TFEC: variants seen among roughly 807,000 people sequenced by gnomAD.
The protein encoded by TFEC is class E basic helix-loop-helix protein 34.
In TFEC, 31 loss-of-function variants were observed where a neutral mutation model predicts 41.6. That is an observed-to-expected ratio of 0.74 (90% CI 0.56 to 1.01). TFEC has a LOEUF of 1.01. Ranked by LOEUF, TFEC falls within the 50% of genes least tolerant of loss-of-function variation. The pLI, the probability that TFEC is intolerant of heterozygous loss-of-function variation, is 0.00. For synonymous variants in TFEC, 143 were observed against 140.6 expected (o/e 1.02, Z -0.12); for missense variants, 402 against 404.1 (o/e 0.99, Z 0.04).
chr7:116,069,009 G>T (rs1016428604), intron 3 of TFEC, among the ~76,000 whole-genome samples: 7 of 151,640 alleles, frequency 4.6e-5, no homozygotes, highest in African/African-American at 2.4e-5. Flanking sequence ...GATTCTTTAA[G>T]ATTTGTCAAA....
At chr7:116,050,666 T>C (rs1306211439) in intron 3 of TFEC, among the ~76,000 whole-genome samples, 1 of 150,048 alleles carries the variant, frequency 6.7e-6, no homozygotes, top group African/African-American at 2.5e-5. Context: ...GGAGAGGATG[T>C]AGAGAAATAG....
intron 1 of TFEC, among the ~76,000 whole-genome samples, chr7:116,020,080 G>A (rs533020459): frequency 2.0e-5 from 3 of 152,274 alleles, no homozygotes; most frequent in Admixed American, 1.3e-4. Context: ...CCAGTGAGGT[G>A]AGCCACCTTA....
intron 1 of TFEC, among the ~76,000 whole-genome samples, chr7:116,016,147 G>A (rs1300515304): frequency 6.6e-6 from 1 of 152,150 alleles, no homozygotes; most frequent in African/African-American, 2.4e-5. Context: ...GAAAAAAGTG[G>A]TTAACAAAAT....
At chr7:116,136,680 T>G (rs1204148620) in intron 1 of TFEC, among the ~76,000 whole-genome samples, 1 of 151,902 alleles carries the variant, frequency 6.6e-6, no homozygotes, top group African/African-American at 2.4e-5. Flanking sequence ...AATCAGTTGA[T>G]TCTTGAATAC....
chr7:116,075,821 T>A (rs909709980), intron 3 of TFEC, among the ~76,000 whole-genome samples: 4 of 152,238 alleles, frequency 2.6e-5, no homozygotes, highest in African/African-American at 9.6e-5. Flanking sequence ...AAGGTCATAA[T>A]CTCTTGGGAG....
At chr7:116,137,229 T>C (rs888417273) in intron 1 of TFEC, among the ~76,000 whole-genome samples, 4 of 152,142 alleles carry the variant, frequency 2.6e-5, no homozygotes, top group African/African-American at 9.6e-5. Context: ...TTTTGTCTTT[T>C]AAAATAATTT....
At chr7:116,062,524 C>T (rs1796587703) in intron 3 of TFEC, among the ~76,000 whole-genome samples, 1 of 132,512 alleles carries the variant, frequency 7.5e-6, no homozygotes, top group Admixed American at 8.1e-5. Context: ...GCTGCAAATG[C>T]AATTATTTCA....
intron 3 of TFEC, among the ~76,000 whole-genome samples, chr7:116,104,990 T>C (rs1218085291): frequency 1.3e-5 from 2 of 152,190 alleles, no homozygotes; most frequent in East Asian, 3.9e-4. Context: ...CCATAAGTTT[T>C]ACCTCTGTGT....
rs776801215 is a variant in TFEC at position 115,940,669 on chromosome 7, AAT to A, written c.924_925del (p.Leu309GlyfsTer2). On this transcript the variant is annotated frameshift_variant, in exon 8 of 8. Transcript: ENST00000265440. LOFTEE classifies it high-confidence loss of function. ...TCCAAATGGAGAGATTGTGTCATCC[AAT>A]AGCATGCCATCCAATCTTTGTTCCT... is the stretch of plus-strand genomic sequence containing the variant. 4 of 1,613,626 alleles carry A rather than the reference AAT, an allele frequency of 2.5e-6. No individual in the cohort carries two copies. The highest frequency in any genetic ancestry group is 2.5e-6 in the Non-Finnish European group (3 of 1,179,650).
rs1160114562 is a variant in TFEC, at chr7:115,944,013, ATTTTTTTTT to A, written c.516-1982_516-1974del. 1.2e-3 allele frequency among the ~76,000 whole-genome samples: 27 copies of A among 22,840 alleles called. 4 individuals are homozygous for A. Among genetic ancestry groups the A allele is most frequent in the Middle Eastern group, 0.062 (2 of 32 alleles). 15.0% of individuals were successfully genotyped at this position (22,840 alleles called of 152,430 possible). A position where few individuals can be genotyped will look rare whatever the true frequency, so the allele number is the denominator to read the frequency against. On this transcript the variant is annotated intron_variant, in intron 6 of 7. Transcript: ENST00000265440. The stretch of plus-strand genomic sequence containing the variant: ...GAAAATAATACTATGACAGGTCTGA[ATTTTTTTTT>A]TTTTTTTTTTTTTTTTTTGCTTCAA...
At chr7:116,154,789 A>G (rs993505476) in intron 1 of TFEC, among the ~76,000 whole-genome samples, 13 of 152,202 alleles carry the variant, frequency 8.5e-5, no homozygotes, top group Admixed American at 3.9e-4. Flanking sequence ...GGTTTGGCCA[A>G]TAAGAGGCAT....
chr7:116,055,954 C>A (rs534976761), intron 3 of TFEC, among the ~76,000 whole-genome samples: 2 of 152,108 alleles, frequency 1.3e-5, no homozygotes, highest in South Asian at 4.2e-4. Flanking sequence ...TCTTAGAGAT[C>A]ACTTTATAAT....
rs1359704948 is a variant in TFEC, at chr7:116,079,984, C to T, written c.198+30724G>A. Among the ~76,000 whole-genome samples the T allele has an allele frequency of 2.0e-5, 3 of 152,022 alleles. No individual in the cohort carries two copies. The East Asian group carries it at 5.8e-4, about 29-fold the overall frequency. ...CATGGTACTGGTTTAAAAATAGGCA[C>T]ATAGACCAATGGAACAGAATAGAAA... is the stretch of plus-strand genomic sequence containing the variant. On this transcript the variant is annotated intron_variant, in intron 3 of 8. Transcript: ENST00000484212.
At chr7:115,995,170 G>A (rs1045377215) in intron 1 of TFEC, among the ~76,000 whole-genome samples, 1 of 146,988 alleles carries the variant, frequency 6.8e-6, no homozygotes, top group Non-Finnish European at 1.5e-5. Flanking sequence ...ACACAGGGTG[G>A]GGAACATCAC....
intron 3 of TFEC, among the ~76,000 whole-genome samples, chr7:116,051,767 T>C (rs1431599858): frequency 3.9e-5 from 6 of 152,150 alleles, no homozygotes; most frequent in Admixed American, 3.9e-4. Flanking sequence ...AATATTTATA[T>C]CAGACACTGT....
At chr7:116,128,090 T>C (rs1201121259) in intron 1 of TFEC, among the ~76,000 whole-genome samples, 1 of 152,208 alleles carries the variant, frequency 6.6e-6, no homozygotes, top group Non-Finnish European at 1.5e-5. Context: ...CATGCTCTCA[T>C]GTAAAATGCA....
At chr7:116,046,422 T>C (rs376416805) in intron 3 of TFEC, among the ~76,000 whole-genome samples, 8 of 152,200 alleles carry the variant, frequency 5.3e-5, no homozygotes, top group Admixed American at 5.2e-4. Context: ...ATCAGAGGTT[T>C]CCATTTTGTT....
intron 3 of TFEC, among the ~76,000 whole-genome samples, chr7:116,081,876 G>A (rs1306708564): frequency 6.6e-6 from 1 of 151,824 alleles, no homozygotes; most frequent in Admixed American, 6.6e-5. Flanking sequence ...TTCATCTTGC[G>A]CCTTTCTTGC....
At chr7:116,127,070 A>G (rs1798225934) in intron 1 of TFEC, among the ~76,000 whole-genome samples, 1 of 151,676 alleles carries the variant, frequency 6.6e-6, no homozygotes, top group South Asian at 2.1e-4. Flanking sequence ...AAAACAGTAC[A>G]TGTCTGGGCT....
Sources: allele counts gnomAD v4.1 joint callset (sites outside exome capture counted in the v4.1 genomes callset), GRCh38; gene constraint gnomAD v4.1.1; transcripts MANE v1.5; gene names NCBI Gene and HGNC (gene_info 2026-07-23, HGNC 2026-07-21).